SGMS2: variants seen among roughly 807,000 people sequenced by gnomAD.
SGMS2 encodes the protein phosphatidylcholine:ceramide cholinephosphotransferase 2.
In SGMS2, 21 loss-of-function variants were observed where a neutral mutation model predicts 43.8. That is an observed-to-expected ratio of 0.48 (90% confidence interval 0.34 to 0.69). The LOEUF (loss-of-function observed/expected upper bound fraction) is 0.69. Among genes scored for constraint, SGMS2 ranks in the 30% least tolerant of loss-of-function variants. SGMS2 has a pLI of 0.01. For synonymous variants in SGMS2, 167 were observed against 160.6 expected, an observed-to-expected ratio of 1.04 and a Z score of -0.30; for missense variants, 384 against 443.2, an observed-to-expected ratio of 0.87 and a Z score of 1.20.
At chr4:107,847,420 T>A (rs915092231) in intron 1 of SGMS2, among the ~76,000 whole-genome samples, 9 of 152,044 alleles carry the variant, frequency 5.9e-5, no homozygotes, top group African/African-American at 2.2e-4. Context: ...GATCAGATAG[T>A]TGTAGATATG....
At chr4:107,908,422 G>C (rs1731798648) in intron 5 of SGMS2, 143 bp from the exon 6 acceptor site, 1 of 806,952 alleles carries the variant, frequency 1.2e-6, no homozygotes, top group African/African-American at 1.7e-5. Context: ...GCAGTTCATA[G>C]TGACTCAGTT....
intron 1 of SGMS2, among the ~76,000 whole-genome samples, chr4:107,836,208 C>G (rs912025332): frequency 2.6e-5 from 4 of 152,202 alleles, no homozygotes; most frequent in Non-Finnish European, 5.9e-5. Flanking sequence ...CCACATGTGG[C>G]TGGCACCTCC....
At chr4:107,875,862 T>A (rs1427612390) in intron 2 of SGMS2, among the ~76,000 whole-genome samples, 1 of 152,170 alleles carries the variant, frequency 6.6e-6, no homozygotes, top group African/African-American at 2.4e-5. Flanking sequence ...TTTCCTTTCC[T>A]TTTAATGAAG....
At chr4:107,901,690 C>T (rs190757545) in intron 4 of SGMS2, among the ~76,000 whole-genome samples, 3 of 152,316 alleles carry the variant, frequency 2.0e-5, no homozygotes, top group Admixed American at 2.0e-4. Context: ...TTTTGATTTA[C>T]AGTCAGACAA....
rs371167339 is a variant in SGMS2 at position 107,850,964 on chromosome 4, T to C, written c.-326-7508T>C. Among the ~76,000 whole-genome samples, 37 of 152,316 alleles carry C rather than the reference T, an allele frequency of 2.4e-4. 1 individual carries two copies. The East Asian group carries it at 4.4e-3, about 18-fold the overall frequency. Reference sequence around the variant, plus strand: ...CTTCTCTTGCTCCAGTGATTCCTGGTACTTTAATACTCTCTTTCATATGGA... The same window carrying C: ...CTTCTCTTGCTCCAGTGATTCCTGGCACTTTAATACTCTCTTTCATATGGA... On this transcript the variant is annotated intron_variant, in intron 1 of 6. Transcript: ENST00000690982.
intron 2 of SGMS2, among the ~76,000 whole-genome samples, 196 bp downstream of exon 2, chr4:107,858,749 G>A (rs551654504): frequency 8.6e-4 from 131 of 152,144 alleles, no homozygotes; most frequent in Non-Finnish European, 1.5e-3. Context: ...ATCCTCAGGA[G>A]AGTCTTAAAT....
chr4:107,864,746 G>A lies in SGMS2; in HGVS notation c.-245+6193G>A, dbSNP rs140641263. Among the ~76,000 whole-genome samples the A allele has an allele frequency of 8.5e-4, 130 of 152,268 alleles. No individual in the cohort carries two copies. The East Asian group carries it at 0.024, about 28-fold the overall frequency. ...CTATAAAAAGTAAAGGAGAAAGCCC[G>A]TTGAACTGTAAAATTTTCCAGCTTT... On this transcript the variant is annotated intron_variant, in intron 2 of 6. Transcript: ENST00000690982.
At chr4:107,825,567 TG>T (rs1725533731) in intron 1 of SGMS2, among the ~76,000 whole-genome samples, 1 of 150,856 alleles carries the variant, frequency 6.6e-6, no homozygotes, top group Admixed American at 6.6e-5. Flanking sequence ...GTTCAGTTGG[TG>T]GAGGAGGGAC....
intron 1 of SGMS2, among the ~76,000 whole-genome samples, chr4:107,844,097 C>T (rs1462847695): frequency 6.6e-6 from 1 of 150,632 alleles, no homozygotes; most frequent in Non-Finnish European, 1.5e-5. Context: ...CCAAGACAGG[C>T]AGATCATGAG....
At chr4:107,906,250 T>C (rs1463881186) in intron 5 of SGMS2, among the ~76,000 whole-genome samples, 1 of 152,194 alleles carries the variant, frequency 6.6e-6, no homozygotes, top group Non-Finnish European at 1.5e-5. Flanking sequence ...CCTTGTTTGC[T>C]CTGTTGTCAT....
chr4:107,827,890 G>A (rs533216991), intron 1 of SGMS2, among the ~76,000 whole-genome samples: 3 of 152,274 alleles, frequency 2.0e-5, no homozygotes, highest in South Asian at 2.1e-4. Flanking sequence ...GGAGGCTGAC[G>A]CAGGAGAATC....
At position 107,912,818 on chromosome 4, in the gene SGMS2, C is replaced by T. The variant is rs1732209793; in HGVS notation, c.*2265C>T. 6.6e-6 allele frequency: 1 copy of T among 151,954 alleles called. No individual in the cohort carries two copies. The highest frequency in any genetic ancestry group is 2.1e-4 in the South Asian group (1 of 4,818). 9.4% of individuals were successfully genotyped at this position (151,954 alleles called of 1,614,324 possible). On this transcript the variant is annotated 3_prime_UTR_variant, in exon 7 of 7. Coordinates refer to ENST00000690982, the MANE Select transcript of SGMS2 (RefSeq NM_001375905.1). ...CACCTTTTAAAGAACTTTAAAAACA[C>T]CTGTGATGCCAATGTGGACATTGCC... is the stretch of plus-strand genomic sequence containing the variant.
At chr4:107,877,685 T>C (rs563708949) in intron 2 of SGMS2, among the ~76,000 whole-genome samples, 1 of 152,138 alleles carries the variant, frequency 6.6e-6, no homozygotes, top group East Asian at 1.9e-4. Flanking sequence ...TTTTGTGAAT[T>C]AGTAAAATGA....
intron 2 of SGMS2, among the ~76,000 whole-genome samples, chr4:107,865,043 A>G (rs2126041035): frequency 6.6e-6 from 1 of 152,342 alleles, no homozygotes; most frequent in Admixed American, 6.5e-5. Flanking sequence ...ATATTACTGA[A>G]CAAACATAAC....
intron 1 of SGMS2, among the ~76,000 whole-genome samples, chr4:107,841,801 C>A (rs868410943): frequency 6.6e-6 from 1 of 151,876 alleles, no homozygotes; most frequent in South Asian, 2.1e-4. Context: ...ATGCATGCCA[C>A]CATGTTCAGC....
At chr4:107,908,029 T>C (rs17498391) in intron 5 of SGMS2, 31,270 of 152,926 alleles carry the variant, frequency 0.2, 3,380 homozygotes, top group Non-Finnish European at 0.23. Flanking sequence ...CAGTGTAAAA[T>C]TGCTGAGAAT....
intron 2 of SGMS2, among the ~76,000 whole-genome samples, chr4:107,887,804 C>T (rs1470213207): frequency 6.6e-6 from 1 of 152,030 alleles, no homozygotes; most frequent in Admixed American, 6.6e-5. Context: ...AAACAATAAG[C>T]CTGAATAAAA....
chr4:107,866,289 G>T (rs1432938080), intron 2 of SGMS2, among the ~76,000 whole-genome samples: 2 of 152,132 alleles, frequency 1.3e-5, no homozygotes, highest in Non-Finnish European at 2.9e-5. Context: ...TCTTGGCTGG[G>T]CATTGTGGCT....
intron 2 of SGMS2, among the ~76,000 whole-genome samples, chr4:107,872,686 GA>G (rs1373035112): frequency 2.0e-5 from 3 of 151,732 alleles, no homozygotes; most frequent in Non-Finnish European, 4.4e-5. Context: ...AAAACAATAA[GA>G]AGAACAACCT....
Sources: allele counts gnomAD v4.1 joint callset (sites outside exome capture counted in the v4.1 genomes callset), GRCh38; gene constraint gnomAD v4.1.1; transcripts MANE v1.5; gene names NCBI Gene and HGNC (gene_info 2026-07-23, HGNC 2026-07-21).